The following TRAPPC10 variants were observed in gnomAD, a reference collection of about 807,000 sequenced individuals.
TRAPPC10 encodes the protein trafficking protein particle complex subunit 10.
Under a neutral mutation model 125.5 loss-of-function variants are expected in TRAPPC10, and 23 were observed. The ratio of observed to expected loss-of-function variants is 0.18; its 90% CI spans 0.13 to 0.26. The LOEUF is 0.26. Among genes scored for constraint, TRAPPC10 ranks in the 10% least tolerant of loss-of-function variants. TRAPPC10 has a pLI of 1.00. For synonymous variants in TRAPPC10, 509 were observed against 518.0 expected (o/e 0.98, Z 0.24); for missense variants, 1,123 against 1,308.4 (o/e 0.86, Z 2.19).
At chr21:44,076,427 G>C (rs2037287802) in intron 9 of TRAPPC10, 125 bp from the exon 10 acceptor site, 2 of 683,304 alleles carry the variant, frequency 2.9e-6, no homozygotes, top group African/African-American at 3.6e-5. Flanking sequence ...CGTTGGCATT[G>C]GCCGGTTTGT....
At chr21:44,037,078 A>G (rs1253987843) in intron 2 of TRAPPC10, among the ~76,000 whole-genome samples, 1 of 152,202 alleles carries the variant, frequency 6.6e-6, no homozygotes, top group Non-Finnish European at 1.5e-5. Flanking sequence ...GCACCCTTAG[A>G]TCGGATGAAA....
At position 44,052,414 on chromosome 21, in the gene TRAPPC10, C is replaced by G; in HGVS notation, c.420C>G (p.Ile140Met). The change falls in exon 4 of 23, where the codon ATC becomes ATG. Residue 140 changes from isoleucine to methionine, a missense_variant. Around this residue, in one of 4 missense-constraint regions of TRAPPC10, gnomAD observed 177 missense variants for 228.9 expected, o/e 0.77. Coordinates refer to ENST00000291574, the MANE Select transcript of TRAPPC10 (RefSeq NM_003274.5). ...NDAKKKNKTNILPRTSIVDKI... is the reference protein window; with the variant it reads ...NDAKKKNKTNMLPRTSIVDKI... ...CCAAGAAAAAAAACAAAACCAACAT[C>G]CTTCCCCGAACCTCTATTGTGGACA... 6.2e-7 allele frequency: 1 copy of G among 1,613,758 alleles called. No homozygotes were observed. Among genetic ancestry groups the G allele is most frequent in the Non-Finnish European group, 8.5e-7 (1 of 1,179,980 alleles).
intron 15 of TRAPPC10, 146 bp from the exon 16 acceptor site, chr21:44,086,656 A>C (rs2146149626): frequency 1.2e-6 from 1 of 848,026 alleles, no homozygotes; most frequent in East Asian, 2.5e-5. Flanking sequence ...GGCAGAAGGG[A>C]ATGGAAGTAG....
At chr21:44,023,522 C>T (rs1297097911) in intron 1 of TRAPPC10, among the ~76,000 whole-genome samples, 1 of 152,166 alleles carries the variant, frequency 6.6e-6, no homozygotes, top group Non-Finnish European at 1.5e-5. Context: ...GGGAGAGTCT[C>T]TTTCATGTTG....
Position 44,070,178 on chromosome 21 carries a change from G to C in TRAPPC10, c.1039-4146G>C, listed in dbSNP as rs551377586. On this transcript the variant is annotated intron_variant, in intron 7 of 22. Transcript: ENST00000291574. Reference sequence around the variant, plus strand: ...AGGACTCATGTACCTTCCAGTGTGTGGGTTGCACTCAAGTGGTAGGGGTAT... The same window carrying C: ...AGGACTCATGTACCTTCCAGTGTGTCGGTTGCACTCAAGTGGTAGGGGTAT... Among the ~76,000 whole-genome samples the C allele has an allele frequency of 1.7e-3, 258 of 152,218 alleles. 1 individual carries two copies. Among genetic ancestry groups the C allele is most frequent in the African/African-American group, 6.0e-3 (249 of 41,526 alleles).
chr21:44,038,647 T>C (rs2034175117), intron 3 of TRAPPC10, among the ~76,000 whole-genome samples: 2 of 152,182 alleles, frequency 1.3e-5, no homozygotes, highest in Non-Finnish European at 2.9e-5. Context: ...GAAAATTCTG[T>C]GCGGCACTTC....
chr21:44,060,915 T>TACATAC (rs60633801), intron 6 of TRAPPC10, among the ~76,000 whole-genome samples: 17,390 of 132,006 alleles, frequency 0.13, 1,332 homozygotes, highest in African/African-American at 0.23. Context: ...CATACATACA[T>TACATAC]ACACACACAC....
intron 3 of TRAPPC10, among the ~76,000 whole-genome samples, chr21:44,048,864 T>C (rs2035046090): frequency 6.6e-6 from 1 of 151,202 alleles, no homozygotes; most frequent in South Asian, 2.1e-4. Context: ...TCACTTCATC[T>C]TGGCTAGAAG....
intron 6 of TRAPPC10, among the ~76,000 whole-genome samples, chr21:44,062,089 C>T (rs921035974): frequency 6.6e-6 from 1 of 152,190 alleles, no homozygotes; most frequent in Admixed American, 6.5e-5. Flanking sequence ...TGAGAAGGAG[C>T]CTTCAAGGCT....
rs370375676 is a variant in TRAPPC10, at chr21:44,084,160, C to T, written c.2277C>T (p.Cys759=). The change falls in exon 15 of 23, where the codon TGC becomes TGT. Residue 759 remains cysteine (C), a synonymous_variant. Transcript: ENST00000291574. ...GAACGTATACACTCAGGCAGCTGTG[C>T]GCCTCGGTGGGCTCCGTGTGGTTCG... ...EPGTYTLRQL[C]ASVGSVWFVL... 4.2e-5 allele frequency: 68 copies of T among 1,614,086 alleles called. No individual in the cohort carries two copies. The highest frequency in any genetic ancestry group is 5.3e-5 in the Non-Finnish European group (63 of 1,180,034).
At chr21:44,033,010 A>G (rs1458494847) in intron 2 of TRAPPC10, among the ~76,000 whole-genome samples, 2 of 152,214 alleles carry the variant, frequency 1.3e-5, no homozygotes, top group Non-Finnish European at 2.9e-5. Context: ...TTGCATGTTT[A>G]CAGTTAGTCG....
intron 11 of TRAPPC10, among the ~76,000 whole-genome samples, chr21:44,079,081 G>A (rs1053196634): frequency 1.3e-5 from 2 of 152,120 alleles, no homozygotes; most frequent in South Asian, 2.1e-4. Context: ...GCTCCCTTCC[G>A]CTTGCGCCCT....
At chr21:44,061,035 TC>T (rs1201789669) in intron 6 of TRAPPC10, among the ~76,000 whole-genome samples, 1 of 152,010 alleles carries the variant, frequency 6.6e-6, no homozygotes, top group African/African-American at 2.4e-5. Context: ...CCTCCTGATT[TC>T]AAGCGATTCT....
chr21:44,049,562 C>A (rs772295214), intron 3 of TRAPPC10, among the ~76,000 whole-genome samples: 6 of 152,202 alleles, frequency 3.9e-5, no homozygotes, highest in Non-Finnish European at 8.8e-5. Flanking sequence ...CCTTTGTGCC[C>A]TGCTTGGCCC....
chr21:44,018,873 G>A (rs528737959), intron 1 of TRAPPC10, among the ~76,000 whole-genome samples: 222 of 152,068 alleles, frequency 1.5e-3, no homozygotes, highest in Middle Eastern at 3.4e-3. Context: ...TTTTTTTGTC[G>A]TAGGAAAGTT....
intron 7 of TRAPPC10, among the ~76,000 whole-genome samples, chr21:44,066,331 G>A (rs2036449250): frequency 2.0e-5 from 3 of 152,182 alleles, no homozygotes; most frequent in South Asian, 4.1e-4. Flanking sequence ...GGAGCAAGAC[G>A]GCCGGATAGA....
At chr21:44,030,430 A>G (rs889934282) in intron 1 of TRAPPC10, among the ~76,000 whole-genome samples, 1 of 152,162 alleles carries the variant, frequency 6.6e-6, no homozygotes, top group African/African-American at 2.4e-5. Flanking sequence ...AGGCTAACTA[A>G]AGATTTTCTT....
intron 7 of TRAPPC10, among the ~76,000 whole-genome samples, chr21:44,073,659 C>T (rs1476110522): frequency 1.3e-5 from 2 of 152,164 alleles, no homozygotes; most frequent in Admixed American, 6.5e-5. Flanking sequence ...TCTGCATCCT[C>T]GTTCACTTGC....
intron 5 of TRAPPC10, among the ~76,000 whole-genome samples, chr21:44,057,027 A>G (rs766769130): frequency 2.8e-4 from 43 of 152,124 alleles, no homozygotes; most frequent in Non-Finnish European, 5.3e-4. Context: ...TCTGACACAC[A>G]CTACAGCATG....
Sources: allele counts gnomAD v4.1 joint callset (sites outside exome capture counted in the v4.1 genomes callset), GRCh38; gene constraint gnomAD v4.1.1; regional missense constraint gnomAD v4.1.1; transcripts MANE v1.5; gene names NCBI Gene and HGNC (gene_info 2026-07-23, HGNC 2026-07-21).